The following SHOC2 variants were observed in gnomAD, a reference collection of about 807,000 sequenced individuals.
The protein encoded by SHOC2 is SHOC2 leucine rich repeat scaffold protein.
A neutral mutation model predicts 50.2 loss-of-function variants in SHOC2; 4 were observed. The ratio of observed to expected loss-of-function variants is 0.08; its 90% CI spans 0.04 to 0.18. SHOC2 has a LOEUF of 0.18. Ranked by LOEUF, SHOC2 falls within the 10% of genes least tolerant of loss-of-function variation. The pLI, the probability that SHOC2 is intolerant of heterozygous loss-of-function variation, is 1.00. For synonymous variants in SHOC2, 218 were observed against 244.5 expected (o/e 0.89, Z 1.01); for missense variants, 388 against 669.6 (o/e 0.58, Z 4.64).
Position 111,004,705 on chromosome 10 carries a change from T to C in SHOC2, c.1072T>C (p.Tyr358His), listed in dbSNP as rs1848437801. 4 of 1,613,258 alleles carry C rather than the reference T, an allele frequency of 2.5e-6. No individual in the cohort carries two copies. Among genetic ancestry groups the C allele is most frequent in the Middle Eastern group, 1.6e-4 (1 of 6,080 alleles). ...TGGTCCATCTCAGTTTTCTACCATC[T>C]ATTCCCTCAACATGGAACACAATCG... ...VGGPSQFSTI[Y>H]SLNMEHNRIN... Residue 358 changes from tyrosine (Y) to histidine (H), a missense_variant, in exon 5 of 9, where the codon TAT (tyrosine) becomes CAT (histidine). This residue lies in a region of SHOC2 where 48 missense variants were observed against 151.6 expected (regional missense o/e 0.32). Transcript: ENST00000369452.
At chr10:110,953,675 C>T (rs545006461) in intron 1 of SHOC2, among the ~76,000 whole-genome samples, 9 of 151,256 alleles carry the variant, frequency 6.0e-5, no homozygotes, top group South Asian at 4.2e-4. Context: ...ATAACTTGTG[C>T]GTAGTTACAG....
At chr10:110,952,640 G>T (rs551685589) in intron 1 of SHOC2, among the ~76,000 whole-genome samples, 1 of 152,030 alleles carries the variant, frequency 6.6e-6, no homozygotes, top group African/African-American at 2.4e-5. Context: ...ATGGTTTGCT[G>T]CATCGATCAA....
intron 1 of SHOC2, among the ~76,000 whole-genome samples, chr10:110,957,755 T>C (rs529849723): frequency 1.3e-5 from 2 of 152,346 alleles, no homozygotes; most frequent in East Asian, 3.9e-4. Flanking sequence ...AAGTACAGTT[T>C]TGGAGATTGA....
chr10:110,981,876 T>TATTTTTTTATTCTACTC (rs1554859803), intron 2 of SHOC2, among the ~76,000 whole-genome samples: 2 of 135,412 alleles, frequency 1.5e-5, no homozygotes, highest in Non-Finnish European at 3.2e-5. Context: ...ATTTATTTTT[T>TATTTTTTTATTCTACTC]TAAGTTTTAG....
intron 2 of SHOC2, among the ~76,000 whole-genome samples, chr10:110,978,138 C>T (rs1228214403): frequency 6.6e-6 from 1 of 152,202 alleles, no homozygotes; most frequent in Non-Finnish European, 1.5e-5. Context: ...TGCCTCCAGG[C>T]AGTAACCTGG....
chr10:110,975,623 T>G (rs1301018797), intron 2 of SHOC2, among the ~76,000 whole-genome samples: 1 of 152,156 alleles, frequency 6.6e-6, no homozygotes, highest in African/African-American at 2.4e-5. Context: ...ACGACTAGTT[T>G]GAGTTTGGTT....
intron 1 of SHOC2, among the ~76,000 whole-genome samples, chr10:110,962,945 CTAAT>C (rs1049840136): frequency 5.9e-5 from 9 of 152,258 alleles, no homozygotes; most frequent in African/African-American, 1.7e-4. Context: ...TTTTGGCTGT[CTAAT>C]TAAACTACAA....
intron 3 of SHOC2, among the ~76,000 whole-genome samples, chr10:110,999,390 A>G (rs1848324951): frequency 6.6e-6 from 1 of 152,160 alleles, no homozygotes; most frequent in African/African-American, 2.4e-5. Context: ...ATGTCATTAT[A>G]TTCATCATTC....
intron 3 of SHOC2, among the ~76,000 whole-genome samples, chr10:110,992,853 A>G (rs977078952): frequency 3.3e-5 from 5 of 152,190 alleles, no homozygotes; most frequent in Admixed American, 2.0e-4. Flanking sequence ...TGAAAAAATA[A>G]TGGTACCTTT....
chr10:110,930,735 C>CT lies in SHOC2; in HGVS notation c.-235+11093dup, dbSNP rs772553111. On this transcript the variant is annotated intron_variant, in intron 1 of 8. Coordinates refer to ENST00000369452, the MANE Select transcript of SHOC2 (RefSeq NM_007373.4). ...TTTAAGCAAATATTCACGAGTAAAT[C>CT]TTTTTTTTTTTTTTTGGTAGTGTTT... Among the ~76,000 whole-genome samples the CT allele has an allele frequency of 4.7e-3, 454 of 96,814 alleles. 5 individuals carry two copies. The highest frequency in any genetic ancestry group is 0.014 in the African/African-American group (409 of 29,258). The allele number at this position is 96,814 out of a possible 152,430, so 63.5% of individuals were successfully genotyped here.
At chr10:110,990,541 T>G (rs1848164139) in intron 3 of SHOC2, among the ~76,000 whole-genome samples, 1 of 152,042 alleles carries the variant, frequency 6.6e-6, no homozygotes, top group Non-Finnish European at 1.5e-5. Context: ...TGGAGAACCT[T>G]TGTATCTAGC....
chr10:110,919,451 A>G (rs1846552570), upstream of SHOC2: 2 of 390,954 alleles, frequency 5.1e-6, no homozygotes, highest in East Asian at 7.2e-5. Flanking sequence ...GGTTCCGCCC[A>G]TTTTTCTTGC....
chr10:110,942,248 G>T (rs555609458), intron 1 of SHOC2, among the ~76,000 whole-genome samples: 3 of 151,992 alleles, frequency 2.0e-5, no homozygotes, highest in Non-Finnish European at 4.4e-5. Context: ...TTAAATATTG[G>T]GTTGCTTTAA....
chr10:110,968,164 C>T lies in SHOC2; in HGVS notation c.703+3103C>T, dbSNP rs561714783. On this transcript the variant is annotated intron_variant, in intron 2 of 8. Transcript: ENST00000369452. ...TCTTTTCTTATTATAACCATTCTAT[C>T]GTGTGAATTGGTATCTCATTGTAGT... is the stretch of plus-strand genomic sequence containing the variant. Among the ~76,000 whole-genome samples, 54 of 152,258 alleles carry T rather than the reference C, an allele frequency of 3.5e-4. 1 individual carries two copies. The highest frequency in any genetic ancestry group is 3.4e-3 in the Middle Eastern group (1 of 294).
At chr10:110,922,741 AACTTAG>A (rs1411921017) in intron 1 of SHOC2, among the ~76,000 whole-genome samples, 1 of 152,100 alleles carries the variant, frequency 6.6e-6, no homozygotes, top group Non-Finnish European at 1.5e-5. Flanking sequence ...TGAGATTTAT[AACTTAG>A]ACTTGGAAGA....
At chr10:110,939,923 A>G (rs1283997666) in intron 1 of SHOC2, among the ~76,000 whole-genome samples, 1 of 152,190 alleles carries the variant, frequency 6.6e-6, no homozygotes, top group Non-Finnish European at 1.5e-5. Flanking sequence ...GTGGACTTAA[A>G]TGACTATGAA....
At chr10:110,949,374 G>A (rs760070791) in intron 1 of SHOC2, among the ~76,000 whole-genome samples, 6 of 152,034 alleles carry the variant, frequency 3.9e-5, no homozygotes, top group Admixed American at 1.3e-4. Context: ...GAAGCATAGC[G>A]TCTACCAATC....
At chr10:110,975,826 G>A (rs936751283) in intron 2 of SHOC2, among the ~76,000 whole-genome samples, 1 of 151,914 alleles carries the variant, frequency 6.6e-6, no homozygotes, top group African/African-American at 2.4e-5. Flanking sequence ...ATTTATCTTG[G>A]GAGATGTTTT....
At chr10:110,954,033 T>C (rs1490912132) in intron 1 of SHOC2, among the ~76,000 whole-genome samples, 1 of 151,402 alleles carries the variant, frequency 6.6e-6, no homozygotes, top group Non-Finnish European at 1.5e-5. Flanking sequence ...AATTACATTT[T>C]TATTCTAAAT....
Sources: allele counts gnomAD v4.1 joint callset (sites outside exome capture counted in the v4.1 genomes callset), GRCh38; gene constraint gnomAD v4.1.1; regional missense constraint gnomAD v4.1.1; transcripts MANE v1.5; gene names NCBI Gene and HGNC (gene_info 2026-07-23, HGNC 2026-07-21).